Variants in IARS2 observed in about 807,000 individuals in gnomAD.
IARS2 encodes the protein isoleucyl-tRNA synthetase 2, mitochondrial.
In IARS2, 56 loss-of-function variants were observed where a neutral mutation model predicts 126.3. The ratio of observed to expected loss-of-function variants is 0.44; its 90% confidence interval spans 0.36 to 0.55. IARS2 has a LOEUF of 0.55. Among genes scored for constraint, IARS2 ranks in the 20% least tolerant of loss-of-function variants. IARS2 has a pLI of 0.00. For synonymous variants in IARS2, 407 were observed against 441.1 expected (o/e 0.92, Z 0.97); for missense variants, 1,127 against 1,245.9 (o/e 0.90, Z 1.44).
At chr1:220,125,848 T>C (rs773138695) in intron 13 of IARS2, among the ~76,000 whole-genome samples, 1 of 152,088 alleles carries the variant, frequency 6.6e-6, no homozygotes, top group Non-Finnish European at 1.5e-5. Context: ...GGTGCACACC[T>C]GTAATCCCAG....
intron 14 of IARS2, among the ~76,000 whole-genome samples, chr1:220,132,293 A>G (rs923995920): frequency 7.2e-5 from 11 of 152,298 alleles, no homozygotes; most frequent in African/African-American, 2.6e-4. Flanking sequence ...ATTCAGCAGT[A>G]AAGCCATCTG....
In IARS2 at chr1:220,102,789, A is replaced by G; in HGVS notation, c.950+12A>G. On this transcript the variant is annotated intron_variant, in intron 7 of 22. Coordinates refer to ENST00000366922, the MANE Select transcript of IARS2 (RefSeq NM_018060.4). The stretch of plus-strand genomic sequence containing the variant: ...ATGCCTGAATCAAAGTGGGTATATT[A>G]TTGCATTTTTTGTTTTATACACAAA... 1 of 1,524,676 alleles carries G rather than the reference A, an allele frequency of 6.6e-7. No homozygotes were observed. Among genetic ancestry groups the G allele is most frequent in the Non-Finnish European group, 9.1e-7 (1 of 1,099,362 alleles). The allele number at this position is 1,524,676 out of a possible 1,614,324, so 94.4% of individuals were successfully genotyped here.
intron 22 of IARS2, 121 bp downstream of exon 22, chr1:220,145,774 C>A: frequency 1.3e-6 from 1 of 754,100 alleles, no homozygotes; most frequent in Non-Finnish European, 2.0e-6. Context: ...ATACATCTTT[C>A]TATGGAAATA....
At chr1:220,098,988 A>C (rs1408594617) in intron 2 of IARS2, among the ~76,000 whole-genome samples, 1 of 152,018 alleles carries the variant, frequency 6.6e-6, no homozygotes, top group Non-Finnish European at 1.5e-5. Flanking sequence ...TGAGGCGGGC[A>C]GATCATCAGG....
chr1:220,121,890 G>C (rs959723781), intron 12 of IARS2, among the ~76,000 whole-genome samples: 4 of 152,146 alleles, frequency 2.6e-5, no homozygotes, highest in African/African-American at 9.7e-5. Context: ...CCAGGCATTT[G>C]AGACCAGCCT....
At chr1:220,120,536 CTGG>C (rs1302694997) in intron 12 of IARS2, among the ~76,000 whole-genome samples, 1 of 151,982 alleles carries the variant, frequency 6.6e-6, no homozygotes, top group Non-Finnish European at 1.5e-5. Flanking sequence ...ACCACCATAC[CTGG>C]GTAATTTTTG....
At chr1:220,126,106 CAAAAAAAAAAAA>C (rs372363841) in intron 13 of IARS2, among the ~76,000 whole-genome samples, 5 of 81,464 alleles carry the variant, frequency 6.1e-5, no homozygotes, top group Admixed American at 1.5e-4. Flanking sequence ...AACTCTGTCT[CAAAAAAAAAAAA>C]AAAAAGAAAA....
Position 220,112,290 on chromosome 1 carries a change from G to A in IARS2, c.1479+1353G>A, listed in dbSNP as rs541669362. ...GCTGGGACTACAGGCGCCCGCCACC[G>A]CGCCCGGCTAATTTTTTGTATTTTT... On this transcript the variant is annotated intron_variant, in intron 11 of 22. Coordinates refer to ENST00000366922, the MANE Select transcript of IARS2 (RefSeq NM_018060.4). Among the ~76,000 whole-genome samples the A allele has an allele frequency of 7.9e-5, 9 of 114,002 alleles. 2 individuals carry two copies. Among genetic ancestry groups the A allele is most frequent in the Admixed American group, 7.3e-4 (8 of 10,994 alleles). 74.8% of individuals were successfully genotyped at this position (114,002 alleles called of 152,430 possible). A position where few individuals can be genotyped will look rare whatever the true frequency, so the allele number is the denominator to read the frequency against.
In IARS2 at chr1:220,139,683, T is replaced by G. The variant is rs551594608; in HGVS notation, c.2308-500T>G. On this transcript the variant is annotated intron_variant, in intron 18 of 22. Coordinates refer to ENST00000366922, the MANE Select transcript of IARS2 (RefSeq NM_018060.4). ...GGAGAATCGCTTGAGCCCATGGTTT[T>G]GAGGCTGCAGTGAGCTGTGATTGTG... Among the ~76,000 whole-genome samples, 4 of 152,190 alleles carry G rather than the reference T, an allele frequency of 2.6e-5. No individual in the cohort carries two copies. The East Asian group carries it at 7.7e-4, about 29-fold the overall frequency.
chr1:220,107,011 A>G, intron 9 of IARS2, 50 bp from the exon 10 acceptor site: 1 of 1,161,952 alleles, frequency 8.6e-7, no homozygotes, highest in South Asian at 1.2e-5. Context: ...AGATATTGTC[A>G]TAAGAGAAAA....
At chr1:220,144,519 A>G (rs543294473) in intron 21 of IARS2, among the ~76,000 whole-genome samples, 27 of 152,336 alleles carry the variant, frequency 1.8e-4, no homozygotes, top group African/African-American at 6.3e-4. Context: ...GGTATAATAG[A>G]TGAGATTTTC....
At chr1:220,112,500 C>T (rs1385786377) in intron 11 of IARS2, among the ~76,000 whole-genome samples, 1 of 151,778 alleles carries the variant, frequency 6.6e-6, no homozygotes, top group Non-Finnish European at 1.5e-5. Flanking sequence ...ACTATTTCTT[C>T]CATATTATAT....
chr1:220,100,515 T>A lies in IARS2; in HGVS notation c.416T>A (p.Phe139Tyr), dbSNP rs779424678. 4.7e-5 allele frequency: 75 copies of A among 1,611,518 alleles called. No homozygotes were observed. Among genetic ancestry groups the A allele is most frequent in the Non-Finnish European group, 6.0e-5 (71 of 1,178,968 alleles). Residue 139 changes from phenylalanine to tyrosine, a missense_variant, in exon 3 of 23, where the codon TTC becomes TAC. Coordinates refer to ENST00000366922, the MANE Select transcript of IARS2 (RefSeq NM_018060.4). ...ATTTTGAAAGACATAGCCAATCGAT[T>A]CCATATGATGAATGGCTCCAAAATA... ...NKILKDIANR[F>Y]HMMNGSKIHF...
At chr1:220,126,609 T>C (rs1657161268) in intron 13 of IARS2, 141 bp from the exon 14 acceptor site, 1 of 644,740 alleles carries the variant, frequency 1.6e-6, no homozygotes, top group African/African-American at 1.9e-5. Context: ...AACTGTGAAA[T>C]GCTTAAAAAT....
At chr1:220,117,362 T>C (rs955655406) in intron 12 of IARS2, among the ~76,000 whole-genome samples, 3 of 151,316 alleles carry the variant, frequency 2.0e-5, no homozygotes, top group African/African-American at 7.3e-5. Flanking sequence ...CGGCTAATTT[T>C]ATATATATAT....
rs1221430164 is a variant in IARS2, at chr1:220,094,330, G to A, written c.114G>A (p.Lys38=). The change falls in exon 1 of 23, where the codon AAG becomes AAA. Residue 38 remains lysine (K), a synonymous_variant. Transcript: ENST00000366922. ...PCSPGWQGAT[K]RLLVRSVSGA... The stretch of plus-strand genomic sequence containing the variant: ...GCCCGGGATGGCAAGGGGCGACGAA[G>A]AGGCTTCTGGTGCGGTCGGTCTCCG... The A allele has an allele frequency of 6.2e-7, 1 of 1,612,932 alleles. No homozygotes were observed. The highest frequency in any genetic ancestry group is 2.2e-5 in the East Asian group (1 of 44,842).
intron 12 of IARS2, among the ~76,000 whole-genome samples, chr1:220,122,791 A>G (rs554970608): frequency 2.4e-4 from 36 of 152,176 alleles, no homozygotes; most frequent in South Asian, 2.1e-4. Flanking sequence ...TAACATTTCT[A>G]CCGTATTTGC....
intron 14 of IARS2, among the ~76,000 whole-genome samples, chr1:220,131,923 G>A (rs866884303): frequency 2.0e-5 from 3 of 148,874 alleles, no homozygotes; most frequent in Non-Finnish European, 3.0e-5. Context: ...TCAGCCTCCC[G>A]AGTAGCTGCG....
intron 15 of IARS2, among the ~76,000 whole-genome samples, chr1:220,135,131 G>T (rs1657346933): frequency 6.6e-6 from 1 of 152,114 alleles, no homozygotes; most frequent in Non-Finnish European, 1.5e-5. Flanking sequence ...GATATTCAAG[G>T]TTGAGAGAAG....
Sources: gnomAD v4.1 joint callset for allele counts (sites outside exome capture counted in the v4.1 genomes callset) on GRCh38, gnomAD v4.1.1 for gene constraint, MANE v1.5 for transcripts, NCBI Gene and HGNC (gene_info 2026-07-23, HGNC 2026-07-21) for gene names.